The following KIAA1549 variants were observed in gnomAD, a reference collection of about 807,000 sequenced individuals.
The protein encoded by KIAA1549 is UPF0606 protein KIAA1549.
KIAA1549 carries 70 observed loss-of-function variants against 156.4 expected under a neutral mutation model. The observed-to-expected ratio is 0.45, with a 90% CI of 0.37 to 0.55. The LOEUF (loss-of-function observed/expected upper bound fraction) is 0.55. Ranked by LOEUF, KIAA1549 falls within the 20% of genes least tolerant of loss-of-function variation. KIAA1549 has a pLI of 0.00. For synonymous variants in KIAA1549, 1,103 were observed against 1,066.4 expected (o/e 1.03, Z -0.67); for missense variants, 2,428 against 2,540.9 (o/e 0.96, Z 0.96).
At chr7:138,980,988 AAG>A (rs1171709488) in intron 1 of KIAA1549, 93 bp downstream of exon 1, 2 of 1,093,276 alleles carry the variant, frequency 1.8e-6, no homozygotes, top group Admixed American at 1.0e-4. Flanking sequence ...TGGAGAATAA[AAG>A]AGGATGGGCG....
intron 9 of KIAA1549, among the ~76,000 whole-genome samples, chr7:138,896,164 A>C (rs1272817649): frequency 2.0e-5 from 3 of 152,220 alleles, no homozygotes; most frequent in African/African-American, 7.2e-5. Flanking sequence ...TCTTGACGCC[A>C]AATCTTGTCT....
chr7:138,878,606 AC>A, intron 12 of KIAA1549, among the ~76,000 whole-genome samples: 1 of 152,126 alleles, frequency 6.6e-6, no homozygotes, highest in African/African-American at 2.4e-5. Flanking sequence ...ACAAGAATAT[AC>A]AAAAATTAGC....
At position 138,844,894 on chromosome 7, in the gene KIAA1549, G is replaced by C. The variant is rs6467811; in HGVS notation, c.5295-420C>G. Among the ~76,000 whole-genome samples, 4 of 150,856 alleles carry C rather than the reference G, an allele frequency of 2.7e-5. 1 individual carries two copies. In the East Asian group the frequency reaches 7.8e-4, roughly 29 times the overall value. ...CGGTAATTTTTTTTTTTTTGAGACAGAGTCTCGCTCTGTCCCCCAGGCTGG... is the reference window on the plus strand; with the variant it reads ...CGGTAATTTTTTTTTTTTTGAGACACAGTCTCGCTCTGTCCCCCAGGCTGG... On this transcript the variant is annotated intron_variant, in intron 17 of 19. Transcript: ENST00000422774.
intron 19 of KIAA1549, 150 bp downstream of exon 19, chr7:138,839,983 G>T (rs1809861056): frequency 3.4e-6 from 2 of 592,756 alleles, no homozygotes; most frequent in South Asian, 5.8e-5. Flanking sequence ...GTAGAGACGG[G>T]ATTTCACTAC....
chr7:138,971,777 T>C (rs1814228405), intron 1 of KIAA1549, among the ~76,000 whole-genome samples: 2 of 152,154 alleles, frequency 1.3e-5, no homozygotes, highest in Admixed American at 6.5e-5. Context: ...TCCCTTTCAG[T>C]ACCAATATGT....
chr7:138,968,793 G>A (rs1814121814), intron 1 of KIAA1549, among the ~76,000 whole-genome samples: 1 of 145,216 alleles, frequency 6.9e-6, no homozygotes, highest in Non-Finnish European at 1.5e-5. Context: ...CTGGGAGGCA[G>A]AGCTTGCAGT....
At chr7:138,937,207 C>G (rs1217736311) in intron 1 of KIAA1549, among the ~76,000 whole-genome samples, 1 of 147,168 alleles carries the variant, frequency 6.8e-6, no homozygotes, top group Admixed American at 6.7e-5. Context: ...CCGTAACTAT[C>G]ACACCCCAGA....
intron 1 of KIAA1549, among the ~76,000 whole-genome samples, chr7:138,977,505 T>C (rs993558548): frequency 1.3e-5 from 2 of 152,218 alleles, no homozygotes; most frequent in African/African-American, 4.8e-5. Context: ...GTCAGCATTA[T>C]AACTTTCAAA....
chr7:138,924,294 A>C (rs1812651005), intron 1 of KIAA1549, among the ~76,000 whole-genome samples: 1 of 151,878 alleles, frequency 6.6e-6, no homozygotes, highest in Non-Finnish European at 1.5e-5. Flanking sequence ...GTATCATATA[A>C]ATCTGAATGT....
chr7:138,905,383 G>A (rs555037579), intron 6 of KIAA1549, among the ~76,000 whole-genome samples: 5 of 152,286 alleles, frequency 3.3e-5, no homozygotes, highest in East Asian at 3.9e-4. Context: ...TGTTCACACC[G>A]TGCCCCTCAG....
In KIAA1549 at chr7:138,917,993, C is replaced by T. The variant is rs1270617013; in HGVS notation, c.1633G>A (p.Glu545Lys). ...DPTAGSLSVAETQVTPSSVTT... is the reference protein window; with the variant it reads ...DPTAGSLSVAKTQVTPSSVTT... ...ACGCTGGATGGCGTCACTTGGGTTT[C>T]AGCAACAGACAAGGAGCCAGCAGTA... The change falls in exon 2 of 20, where the codon GAA becomes AAA. Residue 545 changes from glutamate (E) to lysine (K), a missense_variant. Physicochemically the swap from Glu to Lys is moderately conservative, Grantham distance 56 (BLOSUM62 1). This residue lies in a region of KIAA1549 where 893 missense variants were observed against 847.9 expected (regional missense o/e 1.05). Transcript: ENST00000422774. The T allele has an allele frequency of 1.3e-6, 2 of 1,598,320 alleles. No individual in the cohort carries two copies. Among genetic ancestry groups the T allele is most frequent in the East Asian group, 2.3e-5 (1 of 44,304 alleles).
At chr7:138,912,116 A>G (rs916498927) in intron 3 of KIAA1549, among the ~76,000 whole-genome samples, 2 of 152,230 alleles carry the variant, frequency 1.3e-5, no homozygotes, top group Non-Finnish European at 2.9e-5. Context: ...CTGGTCTGAG[A>G]GCCCTTTGTT....
In KIAA1549 at chr7:138,872,250, G is replaced by C. The variant is rs558928747; in HGVS notation, c.4346-888C>G. Reference sequence around the variant, plus strand: ...GCAGGAGCCACCGGGCCCGGCGCTAGTTCCTACTTTAAAAACAGTTGAAGA... The same window carrying C: ...GCAGGAGCCACCGGGCCCGGCGCTACTTCCTACTTTAAAAACAGTTGAAGA... On this transcript the variant is annotated intron_variant, in intron 12 of 19. Coordinates refer to ENST00000422774, the MANE Select transcript of KIAA1549 (RefSeq NM_001164665.2). Among the ~76,000 whole-genome samples, 422 of 151,786 alleles carry C rather than the reference G, an allele frequency of 2.8e-3. 6 individuals carry two copies. Among genetic ancestry groups the C allele is most frequent in the African/African-American group, 9.9e-3 (410 of 41,414 alleles).
intron 17 of KIAA1549, among the ~76,000 whole-genome samples, chr7:138,845,032 C>A (rs1013700143): frequency 6.6e-6 from 1 of 152,030 alleles, no homozygotes; most frequent in Non-Finnish European, 1.5e-5. Context: ...AGCAGCGGAT[C>A]GCAAACTTTT....
chr7:138,848,591 A>G (rs1354244186), intron 17 of KIAA1549, among the ~76,000 whole-genome samples: 1 of 152,080 alleles, frequency 6.6e-6, no homozygotes, highest in Admixed American at 6.5e-5. Flanking sequence ...CAATTTTTTT[A>G]TATCTATGTT....
In KIAA1549 at chr7:138,873,709, C is replaced by T. The variant is rs1030204914; in HGVS notation, c.4346-2347G>A. Among the ~76,000 whole-genome samples the T allele has an allele frequency of 2.0e-5, 3 of 152,038 alleles. No homozygotes were observed. The East Asian group carries it at 5.8e-4, about 29-fold the overall frequency. ...TCCTGTCCAGAGCCCGGCTCACCCC[C>T]TCCCACTGTAGTCACGGCCCTTGCT... On this transcript the variant is annotated intron_variant, in intron 12 of 19. Coordinates refer to ENST00000422774, the MANE Select transcript of KIAA1549 (RefSeq NM_001164665.2).
At chr7:138,899,776 G>A (rs1014891253) in intron 8 of KIAA1549, among the ~76,000 whole-genome samples, 2 of 152,084 alleles carry the variant, frequency 1.3e-5, no homozygotes, top group Non-Finnish European at 2.9e-5. Context: ...CCCACCACAG[G>A]TCTATGGACA....
chr7:138,833,400 G>GA lies in KIAA1549; in HGVS notation c.*4505dup. 4.3e-6 allele frequency: 1 copy of GA among 232,464 alleles called. No individual in the cohort carries two copies. The highest frequency in any genetic ancestry group is 8.5e-6 in the Non-Finnish European group (1 of 117,620). The allele number at this position is 232,464 out of a possible 1,614,324, so 14.4% of individuals were successfully genotyped here. ...TGGAACACTTAGAAAAAAGTTGTGC[G>GA]AAAGAAGGAACGCTGAACCTGTCCA... On this transcript the variant is annotated 3_prime_UTR_variant, in exon 20 of 20. Transcript: ENST00000422774.
At position 138,894,543 on chromosome 7, in the gene KIAA1549, A is replaced by G. The variant is rs778084687; in HGVS notation, c.3848-17T>C. 1.2e-6 allele frequency: 2 copies of G among 1,613,162 alleles called. No homozygotes were observed. Among genetic ancestry groups the G allele is most frequent in the Admixed American group, 3.3e-5 (2 of 59,996 alleles). On this transcript the variant is annotated splice_polypyrimidine_tract_variant and intron_variant, in intron 9 of 19. Transcript: ENST00000422774. ...TGTCGACAGCTGCAGACAAGGAAGA[A>G]AGGTCTTTCAATAATTCCTTCTTCA...
Sources: allele counts gnomAD v4.1 joint callset (sites outside exome capture counted in the v4.1 genomes callset), GRCh38; gene constraint gnomAD v4.1.1; regional missense constraint gnomAD v4.1.1; transcripts MANE v1.5; gene names NCBI Gene and HGNC (gene_info 2026-07-23, HGNC 2026-07-21).